CDH12: variants seen among roughly 807,000 people sequenced by gnomAD.
CDH12 encodes the protein cadherin 12, also known as cadherin-12.
Under a neutral mutation model 74.1 loss-of-function variants are expected in CDH12, and 41 were observed. The ratio of observed to expected loss-of-function variants is 0.55; its 90% CI spans 0.43 to 0.72. CDH12 has a LOEUF of 0.72. Among genes scored for constraint, CDH12 ranks in the 30% least tolerant of loss-of-function variants. The pLI, the probability that CDH12 is intolerant of heterozygous loss-of-function variation, is 0.00. For missense variants in CDH12, 945 were observed against 977.2 expected (o/e 0.97, Z 0.44); for synonymous variants, 399 against 355.0 (o/e 1.12, Z -1.39).
intron 1 of CDH12, among the ~76,000 whole-genome samples, chr5:22,689,766 G>A (rs369265823): frequency 1.3e-5 from 2 of 152,206 alleles, no homozygotes; most frequent in South Asian, 2.1e-4. Flanking sequence ...AAGGAGCTGA[G>A]TTGGAAGTGA....
intron 4 of CDH12, among the ~76,000 whole-genome samples, chr5:22,123,486 A>G (rs1745643677): frequency 1.3e-5 from 2 of 152,324 alleles, no homozygotes; most frequent in Admixed American, 6.5e-5. Context: ...TGACAAATCC[A>G]AAGTTTAGTA....
At chr5:22,056,727 A>C (rs764548123) in intron 5 of CDH12, among the ~76,000 whole-genome samples, 7 of 152,178 alleles carry the variant, frequency 4.6e-5, no homozygotes, top group Non-Finnish European at 1.0e-4. Context: ...CGTTAATGAC[A>C]CTTGGCTGAG....
At chr5:22,331,373 G>A (rs1248823616) in intron 3 of CDH12, among the ~76,000 whole-genome samples, 1 of 152,150 alleles carries the variant, frequency 6.6e-6, no homozygotes, top group African/African-American at 2.4e-5. Flanking sequence ...AGCACAGAAA[G>A]AGAGACTCCA....
At chr5:22,656,047 A>G (rs1740016920) in intron 1 of CDH12, among the ~76,000 whole-genome samples, 1 of 152,028 alleles carries the variant, frequency 6.6e-6, no homozygotes, top group Non-Finnish European at 1.5e-5. Context: ...TTATTTATTT[A>G]TTTTTGTTGT....
chr5:22,198,561 ATAAG>A (rs1750752233), intron 4 of CDH12, among the ~76,000 whole-genome samples: 1 of 152,078 alleles, frequency 6.6e-6, no homozygotes, highest in Non-Finnish European at 1.5e-5. Context: ...CTCTATTTGT[ATAAG>A]TAGTTATGCT....
intron 6 of CDH12, among the ~76,000 whole-genome samples, chr5:21,941,715 G>A (rs1352657699): frequency 6.6e-6 from 1 of 152,030 alleles, no homozygotes; most frequent in Non-Finnish European, 1.5e-5. Flanking sequence ...ATCATACAAC[G>A]GAAAGGGAGT....
At chr5:22,337,266 G>A (rs569518933) in intron 3 of CDH12, among the ~76,000 whole-genome samples, 6 of 152,324 alleles carry the variant, frequency 3.9e-5, no homozygotes, top group Non-Finnish European at 8.8e-5. Flanking sequence ...TGTCTAGGAT[G>A]AGACTTTGGA....
intron 8 of CDH12, among the ~76,000 whole-genome samples, chr5:21,833,904 C>T (rs1390843296): frequency 6.6e-6 from 1 of 151,914 alleles, no homozygotes; most frequent in Non-Finnish European, 1.5e-5. Flanking sequence ...TTCTCATTGC[C>T]ATGCTTTACC....
At chr5:22,292,052 T>C (rs1311144307) in intron 3 of CDH12, among the ~76,000 whole-genome samples, 1 of 152,128 alleles carries the variant, frequency 6.6e-6, no homozygotes, top group Non-Finnish European at 1.5e-5. Context: ...AATAAGTCCA[T>C]GCATTTACAG....
At chr5:22,193,184 A>C (rs1295778146) in intron 4 of CDH12, among the ~76,000 whole-genome samples, 1 of 152,180 alleles carries the variant, frequency 6.6e-6, no homozygotes, top group Non-Finnish European at 1.5e-5. Flanking sequence ...GTTTTTGAAT[A>C]CTAAATGTTT....
chr5:22,834,403 G>A (rs572097749), intron 1 of CDH12, among the ~76,000 whole-genome samples: 33 of 152,226 alleles, frequency 2.2e-4, no homozygotes, highest in Middle Eastern at 3.4e-3. Flanking sequence ...CAACAGAAAG[G>A]TTTGCAAGTA....
intron 3 of CDH12, among the ~76,000 whole-genome samples, chr5:22,303,983 TA>T (rs1168206437): frequency 4.6e-5 from 7 of 152,176 alleles, no homozygotes; most frequent in Admixed American, 3.9e-4. Flanking sequence ...TGAATTATAC[TA>T]AACATTTTAT....
intron 6 of CDH12, among the ~76,000 whole-genome samples, chr5:21,857,763 T>C (rs1444981547): frequency 6.6e-6 from 1 of 151,876 alleles, no homozygotes; most frequent in African/African-American, 2.4e-5. Context: ...GGATATTGTA[T>C]TGGTCAGCTC....
intron 1 of CDH12, among the ~76,000 whole-genome samples, chr5:22,787,060 A>G (rs980244821): frequency 6.6e-6 from 1 of 151,802 alleles, no homozygotes; most frequent in Admixed American, 6.6e-5. Flanking sequence ...AGCTATACTC[A>G]ATTCTTTGAG....
intron 3 of CDH12, among the ~76,000 whole-genome samples, chr5:22,316,290 T>A (rs1738632433): frequency 2.0e-5 from 3 of 152,022 alleles, no homozygotes; most frequent in African/African-American, 7.2e-5. Flanking sequence ...ATAAAAGCTT[T>A]AGATACAGAG....
intron 5 of CDH12, among the ~76,000 whole-genome samples, chr5:21,977,335 T>C (rs1353458455): frequency 2.0e-5 from 3 of 152,128 alleles, no homozygotes; most frequent in Non-Finnish European, 4.4e-5. Context: ...AAATGTTCTT[T>C]GAACTTATGA....
chr5:22,165,099 C>T (rs1366180486), intron 4 of CDH12, among the ~76,000 whole-genome samples: 6 of 151,614 alleles, frequency 4.0e-5, no homozygotes, highest in Non-Finnish European at 8.8e-5. Context: ...ACATTCTATT[C>T]TGAACACAGC....
At chr5:22,809,771 T>G (rs1254186669) in intron 1 of CDH12, among the ~76,000 whole-genome samples, 1 of 152,088 alleles carries the variant, frequency 6.6e-6, no homozygotes, top group African/African-American at 2.4e-5. Flanking sequence ...CCAAAAATAC[T>G]GCTTCTAAAC....
chr5:21,773,162 T>A (rs1745410431), intron 11 of CDH12, among the ~76,000 whole-genome samples: 1 of 152,210 alleles, frequency 6.6e-6, no homozygotes, highest in African/African-American at 2.4e-5. Flanking sequence ...TACGAAATGA[T>A]GTGAAAACCT....
Sources: allele counts gnomAD v4.1 joint callset (sites outside exome capture counted in the v4.1 genomes callset), GRCh38; gene constraint gnomAD v4.1.1; transcripts MANE v1.5; gene names NCBI Gene and HGNC (gene_info 2026-07-23, HGNC 2026-07-21).